ARHGEF10: variants seen among roughly 807,000 people sequenced by gnomAD.
The protein encoded by ARHGEF10 is Rho guanine nucleotide exchange factor (GEF) 10.
Under a neutral mutation model 147.4 loss-of-function variants are expected in ARHGEF10, and 140 were observed. That is an observed-to-expected ratio of 0.95 (90% CI 0.83 to 1.09). ARHGEF10 has a LOEUF of 1.09. Among genes scored for constraint, ARHGEF10 ranks in the 50% least tolerant of loss-of-function variants. The pLI, the probability that ARHGEF10 is intolerant of heterozygous loss-of-function variation, is 0.00. For missense variants in ARHGEF10, 2,222 were observed against 1,752.7 expected, an observed-to-expected ratio of 1.27 and a Z score of -4.78; for synonymous variants, 902 against 695.8, an observed-to-expected ratio of 1.30 and a Z score of -4.67.
chr8:1,926,504 A>T (rs749329889), intron 23 of ARHGEF10, 41 bp downstream of exon 23: 1 of 1,566,920 alleles, frequency 6.4e-7, no homozygotes, highest in African/African-American at 1.4e-5. Flanking sequence ...GTTCACAGAG[A>T]ATCAACGTTC....
chr8:1,871,775 C>T (rs1807149295), intron 7 of ARHGEF10, among the ~76,000 whole-genome samples: 1 of 152,132 alleles, frequency 6.6e-6, no homozygotes, highest in Non-Finnish European at 1.5e-5. Flanking sequence ...CGAGGTTGCA[C>T]CACTACACTC....
At position 1,892,277 on chromosome 8, in the gene ARHGEF10, CTGTGTGTGTGTGTGTG is replaced by C. The variant is rs66526026; in HGVS notation, c.1183-1256_1183-1241del. On this transcript the variant is annotated intron_variant, in intron 11 of 28. Transcript: ENST00000349830. ...AGCTGCAGCTTCCCAGCTTCTGGCT[CTGTGTGTGTGTGTGTG>C]TGTGTGTGTGTGTGTGTGTGTGTGT... Among the ~76,000 whole-genome samples the C allele has an allele frequency of 5.4e-4, 68 of 126,644 alleles. 1 individual carries two copies. The East Asian group carries it at 7.2e-3, about 13-fold the overall frequency. The allele number at this position is 126,644 out of a possible 152,430, so 83.1% of individuals were successfully genotyped here.
At chr8:1,945,361 A>G (rs1247401821) in intron 26 of ARHGEF10, 120 bp from the exon 27 acceptor site, 20 of 1,250,180 alleles carry the variant, frequency 1.6e-5, no homozygotes. Flanking sequence ...GATTTGGAGC[A>G]AAGCCTGCTA....
At chr8:1,846,657 A>C (rs1201165556) in intron 2 of ARHGEF10, among the ~76,000 whole-genome samples, 1 of 151,940 alleles carries the variant, frequency 6.6e-6, no homozygotes, top group Admixed American at 6.6e-5. Flanking sequence ...GGCTCACTGC[A>C]ACCTCCACTT....
At chr8:1,939,349 T>G (rs553048797) in intron 26 of ARHGEF10, among the ~76,000 whole-genome samples, 8 of 152,346 alleles carry the variant, frequency 5.3e-5, no homozygotes, top group South Asian at 2.1e-4. Context: ...CCTAGCACTG[T>G]GCAAAAACAG....
intron 18 of ARHGEF10, among the ~76,000 whole-genome samples, chr8:1,918,789 C>G (rs939718373): frequency 1.3e-5 from 2 of 152,214 alleles, no homozygotes; most frequent in East Asian, 1.9e-4. Context: ...ACCTATCCCA[C>G]ATGTTCTATG....
chr8:1,872,410 G>C (rs1007406297), intron 7 of ARHGEF10, among the ~76,000 whole-genome samples: 1 of 152,202 alleles, frequency 6.6e-6, no homozygotes, highest in African/African-American at 2.4e-5. Flanking sequence ...GTGAGAATTA[G>C]TTTATAATGT....
chr8:1,853,732 G>T (rs1026909804), intron 2 of ARHGEF10, among the ~76,000 whole-genome samples: 1 of 152,236 alleles, frequency 6.6e-6, no homozygotes, highest in East Asian at 1.9e-4. Flanking sequence ...TCCCAGGTCA[G>T]GGTGCTGGCA....
intron 8 of ARHGEF10, 123 bp downstream of exon 8, chr8:1,876,857 TG>T: frequency 8.9e-7 from 1 of 1,123,686 alleles, no homozygotes; most frequent in South Asian, 1.3e-5. Flanking sequence ...ATAAGTAGTT[TG>T]GGGAAAGCAT....
chr8:1,930,560 G>A (rs1337600292), intron 25 of ARHGEF10, among the ~76,000 whole-genome samples: 1 of 144,768 alleles, frequency 6.9e-6, no homozygotes, highest in African/African-American at 2.6e-5. Flanking sequence ...CAGTCCTCCA[G>A]TCCTTGTTCC....
chr8:1,877,816 G>T (rs891392464), intron 8 of ARHGEF10, among the ~76,000 whole-genome samples: 4 of 152,050 alleles, frequency 2.6e-5, no homozygotes, highest in East Asian at 3.9e-4. Context: ...TGAGATGGAA[G>T]CCACACGCAG....
chr8:1,949,121 C>G (rs945278638), intron 27 of ARHGEF10, among the ~76,000 whole-genome samples: 3 of 152,028 alleles, frequency 2.0e-5, no homozygotes, highest in Admixed American at 1.3e-4. Flanking sequence ...GAAGACTTGC[C>G]AAGCCGAAAC....
intron 26 of ARHGEF10, 119 bp from the exon 27 acceptor site, chr8:1,945,362 A>C: frequency 8.0e-7 from 1 of 1,247,286 alleles, no homozygotes; most frequent in Non-Finnish European, 1.1e-6. Context: ...ATTTGGAGCA[A>C]AGCCTGCTAC....
intron 18 of ARHGEF10, among the ~76,000 whole-genome samples, chr8:1,913,811 A>G (rs1811556111): frequency 6.6e-6 from 1 of 152,344 alleles, no homozygotes; most frequent in South Asian, 2.1e-4. Flanking sequence ...GTTGAGCTGG[A>G]TATGGCGGTT....
chr8:1,880,545 G>A (rs1016320639), intron 9 of ARHGEF10, among the ~76,000 whole-genome samples: 1 of 152,196 alleles, frequency 6.6e-6, no homozygotes, highest in South Asian at 2.1e-4. Flanking sequence ...TTTTTTAAAT[G>A]AACATTTATA....
intron 28 of ARHGEF10, among the ~76,000 whole-genome samples, chr8:1,955,160 G>A (rs1390385799): frequency 1.4e-5 from 2 of 139,914 alleles, no homozygotes; most frequent in Non-Finnish European, 3.1e-5. Context: ...GGATAGCCAG[G>A]TGCTCCCTGA....
At chr8:1,909,221 C>T in intron 17 of ARHGEF10, 74 bp from the exon 18 acceptor site, 3 of 1,593,534 alleles carry the variant, frequency 1.9e-6, no homozygotes, top group East Asian at 4.5e-5. Flanking sequence ...CTCACTTGAA[C>T]ATCTGAGGGA....
chr8:1,897,597 C>G (rs1412435998), intron 14 of ARHGEF10, among the ~76,000 whole-genome samples: 2 of 151,340 alleles, frequency 1.3e-5, no homozygotes, highest in South Asian at 4.2e-4. Context: ...AGTTCCCACT[C>G]TCGACAGTTG....
At chr8:1,918,505 T>TGTGTGTGTG (rs1554505892) in intron 18 of ARHGEF10, among the ~76,000 whole-genome samples, 2 of 148,712 alleles carry the variant, frequency 1.3e-5, no homozygotes, top group Admixed American at 6.8e-5. Context: ...TGTGTGTGTG[T>TGTGTGTGTG]TATTTTAAAA....
Sources: allele counts gnomAD v4.1 joint callset (sites outside exome capture counted in the v4.1 genomes callset), GRCh38; gene constraint gnomAD v4.1.1; transcripts MANE v1.5; gene names NCBI Gene and HGNC (gene_info 2026-07-23, HGNC 2026-07-21).